Variants in CFAP77 observed in about 807,000 individuals in gnomAD.
The protein encoded by CFAP77 is cilia- and flagella-associated protein 77.
A neutral mutation model predicts 31.1 loss-of-function variants in CFAP77; 25 were observed. The ratio of observed to expected loss-of-function variants is 0.80; its 90% CI spans 0.59 to 1.12. The LOEUF (loss-of-function observed/expected upper bound fraction) is 1.12. CFAP77 is among the 50% of genes most tolerant of loss of function. The pLI, the probability that CFAP77 is intolerant of heterozygous loss-of-function variation, is 0.00. For missense variants in CFAP77, 377 were observed against 397.3 expected, an observed-to-expected ratio of 0.95 and a Z score of 0.44; for synonymous variants, 151 against 159.9, an observed-to-expected ratio of 0.94 and a Z score of 0.42.
At chr9:132,500,438 C>T (rs1026783848) in intron 3 of CFAP77, among the ~76,000 whole-genome samples, 2 of 152,208 alleles carry the variant, frequency 1.3e-5, no homozygotes, top group East Asian at 3.8e-4. Flanking sequence ...GGGCACTCAA[C>T]AAGTATTAGC....
chr9:132,511,626 A>G lies in CFAP77; in HGVS notation c.524+12026A>G, dbSNP rs538906712. On this transcript the variant is annotated intron_variant, in intron 3 of 5. Transcript: ENST00000393216. This position sits in a 1 kb window ranked among gnomAD's most constrained non-coding sequence, Gnocchi z 5.8. Reference sequence around the variant, plus strand: ...GGCACTATTCTAGTGCCAAGAGCACATGAGACGGCCAACTCTTTCCCGGGC... The same window carrying G: ...GGCACTATTCTAGTGCCAAGAGCACGTGAGACGGCCAACTCTTTCCCGGGC... Among the ~76,000 whole-genome samples, 1 of 152,384 alleles carries G rather than the reference A, an allele frequency of 6.6e-6. No homozygotes were observed. Among genetic ancestry groups the G allele is most frequent in the South Asian group, 2.1e-4 (1 of 4,832 alleles).
At chr9:132,473,935 G>A (rs1221307536) in intron 1 of CFAP77, among the ~76,000 whole-genome samples, 1 of 151,984 alleles carries the variant, frequency 6.6e-6, no homozygotes, top group Non-Finnish European at 1.5e-5. Flanking sequence ...CACCTGCCTC[G>A]GCCTCCCAAA....
chr9:132,537,482 T>TG (rs1852563805), intron 3 of CFAP77, 119 bp from the exon 4 acceptor site: 1 of 662,866 alleles, frequency 1.5e-6, no homozygotes, highest in African/African-American at 1.8e-5. Context: ...TTCACAGAGG[T>TG]GGGAGTGATG....
Position 132,443,580 on chromosome 9 carries a change from C to T in CFAP77, c.195+33114C>T, listed in dbSNP as rs538518535. On this transcript the variant is annotated intron_variant, in intron 1 of 5. Coordinates refer to ENST00000393216, the MANE Select transcript of CFAP77 (RefSeq NM_001282957.2). ...AAAAGTATTTTAATTTAAAATAGGC[C>T]GGTGTTTATCTTAGGTAAAATGGAC... 7.2e-5 allele frequency among the ~76,000 whole-genome samples: 11 copies of T among 152,230 alleles called. 1 individual carries two copies. In the South Asian group the frequency reaches 1.0e-3, roughly 14 times the overall value.
At chr9:132,521,361 A>T (rs974074037) in intron 3 of CFAP77, among the ~76,000 whole-genome samples, 4 of 152,184 alleles carry the variant, frequency 2.6e-5, no homozygotes, top group Non-Finnish European at 4.4e-5. Context: ...TTGAGGCCAC[A>T]TGTCCTCAGG....
At chr9:132,514,431 C>G (rs961936705) in intron 3 of CFAP77, among the ~76,000 whole-genome samples, 2 of 152,240 alleles carry the variant, frequency 1.3e-5, no homozygotes, top group Non-Finnish European at 2.9e-5. Flanking sequence ...AACACCCAGT[C>G]TGTGGGGTCT....
chr9:132,476,819 C>G (rs926106753), intron 1 of CFAP77, among the ~76,000 whole-genome samples: 7 of 152,178 alleles, frequency 4.6e-5, no homozygotes, highest in Non-Finnish European at 7.4e-5. Context: ...TGAGTCCCCC[C>G]TCGGAGCCCC....
chr9:132,476,292 G>A (rs1048055038), intron 1 of CFAP77, among the ~76,000 whole-genome samples: 4 of 152,072 alleles, frequency 2.6e-5, no homozygotes, highest in African/African-American at 7.2e-5. Flanking sequence ...TACTCACTGT[G>A]TCCCATACCG....
At chr9:132,492,411 G>A (rs148037843) in intron 1 of CFAP77, among the ~76,000 whole-genome samples, 1 of 152,296 alleles carries the variant, frequency 6.6e-6, no homozygotes, top group East Asian at 1.9e-4. Flanking sequence ...GAGAAGGCCA[G>A]GAAGTCAAGG....
intron 5 of CFAP77, among the ~76,000 whole-genome samples, chr9:132,571,044 C>T (rs1247093656): frequency 2.0e-5 from 3 of 152,062 alleles, no homozygotes; most frequent in Non-Finnish European, 4.4e-5. Context: ...ATATTTCATC[C>T]TCTCTCCCCA....
chr9:132,561,891 G>A (rs558026742), intron 5 of CFAP77, among the ~76,000 whole-genome samples: 1 of 152,180 alleles, frequency 6.6e-6, no homozygotes, highest in African/African-American at 2.4e-5. Flanking sequence ...TTTTCAGCTT[G>A]TGGACCAGAG....
rs148555760 is a variant in CFAP77, at chr9:132,432,999, C to A, written c.195+22533C>A. Among the ~76,000 whole-genome samples the A allele has an allele frequency of 7.9e-3, 1,199 of 152,222 alleles. 27 individuals carry two copies. Among genetic ancestry groups the A allele is most frequent in the African/African-American group, 0.027 (1,138 of 41,534 alleles). ...AAAGTGCTGGGATTACAGGCGTGAGCCACCAAGCCCGGCCAATTTTCGTAT... is the reference window on the plus strand; with the variant it reads ...AAAGTGCTGGGATTACAGGCGTGAGACACCAAGCCCGGCCAATTTTCGTAT... On this transcript the variant is annotated intron_variant, in intron 1 of 5. Coordinates refer to ENST00000393216, the MANE Select transcript of CFAP77 (RefSeq NM_001282957.2).
In CFAP77 at chr9:132,438,365, C is replaced by T. The variant is rs370955974; in HGVS notation, c.195+27899C>T. 3.3e-5 allele frequency among the ~76,000 whole-genome samples: 5 copies of T among 150,968 alleles called. No individual in the cohort carries two copies. In the East Asian group the frequency reaches 5.8e-4, roughly 18 times the overall value. ...AAGATTCCTGATACTTAATGATTGG[C>T]TCTGGTGAGCTGATAGAGACTGATT... On this transcript the variant is annotated intron_variant, in intron 1 of 5. Transcript: ENST00000393216.
rs1375296685 is a variant in CFAP77 at position 132,554,939 on chromosome 9, C to CCCACCCATCCAT, written c.732+11895_732+11896insCCCATCCATCCA. ...ATGCATGCATGCATCCATCCATCCA[C>CCCACCCATCCAT]CCATCCATCCATCCATCCATCCATC... On this transcript the variant is annotated intron_variant, in intron 5 of 5. Coordinates refer to ENST00000393216, the MANE Select transcript of CFAP77 (RefSeq NM_001282957.2). The surrounding 1 kb of genome is among the most constrained non-coding windows in gnomAD (Gnocchi z 4.1). Among the ~76,000 whole-genome samples the CCCACCCATCCAT allele has an allele frequency of 4.3e-4, 63 of 146,686 alleles. No individual in the cohort carries two copies. Among genetic ancestry groups the CCCACCCATCCAT allele is most frequent in the African/African-American group, 1.2e-3 (47 of 39,446 alleles).
chr9:132,556,437 C>A (rs1638938533), intron 5 of CFAP77, among the ~76,000 whole-genome samples: 1 of 152,202 alleles, frequency 6.6e-6, no homozygotes. Flanking sequence ...GGCGGCTCAG[C>A]TTGTCAGGGC....
chr9:132,447,227 T>C (rs954080985), intron 1 of CFAP77, among the ~76,000 whole-genome samples: 1 of 152,220 alleles, frequency 6.6e-6, no homozygotes, highest in Admixed American at 6.5e-5. Flanking sequence ...TAAAATCAAC[T>C]AATGAGCAGA....
At chr9:132,482,282 T>TC in intron 1 of CFAP77, 1 of 1,545,330 alleles carries the variant, frequency 6.5e-7, no homozygotes, top group Non-Finnish European at 8.9e-7. Context: ...GACCAAATGA[T>TC]CAAGTGGACT....
intron 1 of CFAP77, among the ~76,000 whole-genome samples, chr9:132,421,288 G>C (rs1024493105): frequency 9.9e-5 from 15 of 152,034 alleles, no homozygotes; most frequent in African/African-American, 3.6e-4. Flanking sequence ...CACCATGCCC[G>C]GCCTTGGGCT....
intron 1 of CFAP77, among the ~76,000 whole-genome samples, chr9:132,432,533 CTTTTTTTTTTT>C (rs35812976): frequency 7.2e-6 from 1 of 138,906 alleles, no homozygotes; most frequent in Non-Finnish European, 1.6e-5. Flanking sequence ...TCCTTGGTTC[CTTTTTTTTTTT>C]TTTTTTAAGA....
Sources: allele counts gnomAD v4.1 joint callset (sites outside exome capture counted in the v4.1 genomes callset), GRCh38; gene constraint gnomAD v4.1.1; non-coding constraint Gnocchi (gnomAD v3.1); transcripts MANE v1.5; gene names NCBI Gene and HGNC (gene_info 2026-07-23, HGNC 2026-07-21).